CACNB3: variants seen among roughly 807,000 people sequenced by gnomAD.
CACNB3 encodes calcium voltage-gated channel auxiliary subunit beta 3, also known as voltage-dependent L-type calcium channel subunit beta-3.
Under a neutral mutation model 63.7 loss-of-function variants are expected in CACNB3, and 36 were observed. The observed-to-expected ratio is 0.57, with a 90% confidence interval of 0.43 to 0.75. CACNB3 has a LOEUF of 0.75. Among genes scored for constraint, CACNB3 ranks in the 30% least tolerant of loss-of-function variants. The pLI is 0.00. For synonymous variants in CACNB3, 241 were observed against 250.6 expected, an observed-to-expected ratio of 0.96 and a Z score of 0.36; for missense variants, 493 against 648.6, an observed-to-expected ratio of 0.76 and a Z score of 2.61.
Position 48,824,650 on chromosome 12 carries a change from C to T in CACNB3, c.408-19C>T. 4 of 1,609,016 alleles carry T rather than the reference C, an allele frequency of 2.5e-6. No homozygotes were observed. The highest frequency in any genetic ancestry group is 3.4e-6 in the Non-Finnish European group (4 of 1,175,698). ...GACACATTCTTCTCTCTCTCTCTTT[C>T]ACCTCCCTTTCTTCTCAGGAGATCT... On this transcript the variant is annotated intron_variant, in intron 4 of 12. Coordinates refer to ENST00000301050, the MANE Select transcript of CACNB3 (RefSeq NM_000725.4).
chr12:48,827,142 CAG>C lies in CACNB3; in HGVS notation c.1140+23_1140+24del, dbSNP rs1209684592. On this transcript the variant is annotated intron_variant, in intron 12 of 12. Coordinates refer to ENST00000301050, the MANE Select transcript of CACNB3 (RefSeq NM_000725.4). ...ACTTCAGGTAACCATTTCCAGTGGGCAGAGATGCTCAAGCTAAGCCAGCCAAG... is the reference window on the plus strand; with the variant it reads ...ACTTCAGGTAACCATTTCCAGTGGGCAGATGCTCAAGCTAAGCCAGCCAAG... 4 of 1,610,684 alleles carry C rather than the reference CAG, an allele frequency of 2.5e-6. No individual in the cohort carries two copies. The East Asian group carries it at 8.9e-5, about 36-fold the overall frequency.
At position 48,827,944 on chromosome 12, in the gene CACNB3, T is replaced by C. The variant is rs1938242544; in HGVS notation, c.*45T>C. 6.5e-7 allele frequency: 1 copy of C among 1,536,786 alleles called. No homozygotes were observed. Among genetic ancestry groups the C allele is most frequent in the Admixed American group, 1.8e-5 (1 of 56,762 alleles). ...CCTGGCAGGCACAGGCGCAGCTGGCTGGGGGGCCCACTCCAGGCAGGGTGG... is the reference window on the plus strand; with the variant it reads ...CCTGGCAGGCACAGGCGCAGCTGGCCGGGGGGCCCACTCCAGGCAGGGTGG... On this transcript the variant is annotated 3_prime_UTR_variant, in exon 13 of 13. Coordinates refer to ENST00000301050, the MANE Select transcript of CACNB3 (RefSeq NM_000725.4).
upstream of CACNB3, chr12:48,818,488 C>T: frequency 1.0e-6 from 1 of 998,196 alleles, no homozygotes; most frequent in Non-Finnish European, 1.2e-6. The surrounding 1 kb of genome is among the most constrained non-coding windows in gnomAD (Gnocchi z 4.3). Context: ...CTGCCCGCAG[C>T]CTCTCCTCCC....
chr12:48,827,078 T>C lies in CACNB3; in HGVS notation c.1095T>C (p.Pro365=), dbSNP rs1029400082. The C allele has an allele frequency of 1.2e-6, 2 of 1,613,056 alleles. No individual in the cohort carries two copies. The highest frequency in any genetic ancestry group is 1.7e-6 in the Non-Finnish European group (2 of 1,180,004). The change falls in exon 12 of 13, where the codon CCT becomes CCC. Residue 365 remains proline, a synonymous_variant. Coordinates refer to ENST00000301050, the MANE Select transcript of CACNB3 (RefSeq NM_000725.4). ...GGCGGGCCACGCACCACCCAGCCCC[T>C]GGCCCCGGACTTCTGGGTCCTCCCA... ...VYWRATHHPA[P]GPGLLGPPSA...
intron 1 of CACNB3, chr12:48,821,392 C>G (rs1460469423): frequency 1.3e-5 from 2 of 152,010 alleles, no homozygotes; most frequent in Non-Finnish European, 2.9e-5. Context: ...ACAGGAGGAT[C>G]GCTTGAGCCC....
chr12:48,824,637 T>C, intron 4 of CACNB3, 32 bp from the exon 5 acceptor site: 3 of 1,585,900 alleles, frequency 1.9e-6, no homozygotes, highest in Non-Finnish European at 2.6e-6. Context: ...CACATTCTTC[T>C]CTCTCTCTCT....
Position 48,825,325 on chromosome 12 carries a change from G to C in CACNB3, c.573+82G>C. 1 of 1,560,506 alleles carries C rather than the reference G, an allele frequency of 6.4e-7. No individual in the cohort carries two copies. The highest frequency in any genetic ancestry group is 8.8e-7 in the Non-Finnish European group (1 of 1,132,448). Reference sequence around the variant, plus strand: ...TCCCTAGGGAAAGTGGAAGGGGTGTGTCTCCTCCGTCCAGGGTGTGTATGT... The same window carrying C: ...TCCCTAGGGAAAGTGGAAGGGGTGTCTCTCCTCCGTCCAGGGTGTGTATGT... On this transcript the variant is annotated intron_variant, in intron 7 of 12. Coordinates refer to ENST00000301050, the MANE Select transcript of CACNB3 (RefSeq NM_000725.4). The surrounding 1 kb of genome is among the most constrained non-coding windows in gnomAD (Gnocchi z 4.5).
At position 48,823,269 on chromosome 12, in the gene CACNB3, T is replaced by C; in HGVS notation, c.46-75T>C. The C allele has an allele frequency of 6.4e-7, 1 of 1,564,588 alleles. No individual in the cohort carries two copies. Among genetic ancestry groups the C allele is most frequent in the Non-Finnish European group, 8.7e-7 (1 of 1,152,076 alleles). On this transcript the variant is annotated intron_variant, in intron 1 of 12. Transcript: ENST00000301050. This position sits in a 1 kb window ranked among gnomAD's most constrained non-coding sequence, Gnocchi z 4.2. The stretch of plus-strand genomic sequence containing the variant: ...AAACTGGGGGCAATAGAGGCAACAC[T>C]GTAAGGTGAGGAGGGTGCCTCCATG...
chr12:48,824,918 A>G, intron 5 of CACNB3, 31 bp from the exon 6 acceptor site: 2 of 1,613,256 alleles, frequency 1.2e-6, no homozygotes, highest in South Asian at 1.1e-5. Context: ...CCCTTCACCA[A>G]CTTTAATCTT....
chr12:48,816,254 C>T (rs1381556560), upstream of CACNB3, among the ~76,000 whole-genome samples: 4 of 152,132 alleles, frequency 2.6e-5, no homozygotes, highest in Non-Finnish European at 4.4e-5. Flanking sequence ...CAATATATTC[C>T]AGCTCCCAAA....
upstream of CACNB3, chr12:48,818,442 TCTC>T (rs1942345982): frequency 1.0e-6 from 1 of 987,580 alleles, no homozygotes; most frequent in African/African-American, 1.8e-5. This position sits in a 1 kb window ranked among gnomAD's most constrained non-coding sequence, Gnocchi z 4.3. Context: ...TCTCCGCATC[TCTC>T]CTCGCCCCGC....
upstream of CACNB3, chr12:48,817,059 A>C (rs1391493079): frequency 1.1e-6 from 1 of 947,974 alleles, no homozygotes; most frequent in African/African-American, 1.8e-5. Context: ...GTATATGACC[A>C]AACCCCAGTT....
Position 48,823,576 on chromosome 12 carries a change from G to C in CACNB3, c.169-105G>C. ...GCAGGATGTCCTTGAGTGTGAGAGG[G>C]TGTGTGTGATGGGCAGAGGCCACGG... On this transcript the variant is annotated intron_variant, in intron 2 of 12. Transcript: ENST00000301050. This position sits in a 1 kb window ranked among gnomAD's most constrained non-coding sequence, Gnocchi z 4.2. 6.3e-7 allele frequency: 1 copy of C among 1,599,492 alleles called. No homozygotes were observed. Among genetic ancestry groups the C allele is most frequent in the Admixed American group, 1.7e-5 (1 of 59,186 alleles).
rs1937954902 is a variant in CACNB3, at chr12:48,823,359, T to C, written c.61T>C (p.Tyr21His). 1 of 1,613,984 alleles carries C rather than the reference T, an allele frequency of 6.2e-7. No homozygotes were observed. ...EDSEAGSADS[Y>H]TSRPSLDSDV... ...CCCAACCCAGGGTTCAGCCGACTCC[T>C]ACACCAGCCGCCCATCTCTGGACTC... Residue 21 changes from tyrosine (Y) to histidine (H), a missense_variant, in exon 2 of 13, where the codon TAC (tyrosine) becomes CAC (histidine). Physicochemically the swap from Tyr to His is moderately conservative, Grantham distance 83. Transcript: ENST00000301050. The surrounding 1 kb of genome is among the most constrained non-coding windows in gnomAD (Gnocchi z 4.2).
Position 48,826,208 on chromosome 12 carries a change from C to T in CACNB3, c.743-159C>T. ...TGCCCCCAGGATTGGCAAGAACACA[C>T]CCCTCCTCCTCAATTCCCATTCCTC... is the stretch of plus-strand genomic sequence containing the variant. On this transcript the variant is annotated intron_variant, in intron 9 of 12. Coordinates refer to ENST00000301050, the MANE Select transcript of CACNB3 (RefSeq NM_000725.4). The surrounding 1 kb of genome is among the most constrained non-coding windows in gnomAD (Gnocchi z 4.8). The T allele has an allele frequency of 1.5e-6, 1 of 684,016 alleles. No individual in the cohort carries two copies. Among genetic ancestry groups the T allele is most frequent in the African/African-American group, 1.8e-5 (1 of 55,930 alleles). 42.4% of individuals were successfully genotyped at this position (684,016 alleles called of 1,614,324 possible).
chr12:48,817,390 T>G (rs1382535779), upstream of CACNB3: 1 of 152,210 alleles, frequency 6.6e-6, no homozygotes. Context: ...ATGAGCAGAT[T>G]GCTGAACTCC....
Position 48,823,912 on chromosome 12 carries a change from G to C in CACNB3, c.291+109G>C, listed in dbSNP as rs1202581173. ...TCAGTCTAATTCCCCAAGCTAATCA[G>C]CTCTTCTCCTTAACACACACCTGTC... On this transcript the variant is annotated intron_variant, in intron 3 of 12. Coordinates refer to ENST00000301050, the MANE Select transcript of CACNB3 (RefSeq NM_000725.4). The surrounding 1 kb of genome is among the most constrained non-coding windows in gnomAD (Gnocchi z 4.2). 1 of 1,419,574 alleles carries C rather than the reference G, an allele frequency of 7.0e-7. No individual in the cohort carries two copies. Among genetic ancestry groups the C allele is most frequent in the African/African-American group, 1.4e-5 (1 of 70,622 alleles). 87.9% of individuals were successfully genotyped at this position (1,419,574 alleles called of 1,614,324 possible).
intron 1 of CACNB3, among the ~76,000 whole-genome samples, chr12:48,822,519 A>G (rs1228465846): frequency 1.3e-5 from 2 of 152,126 alleles, no homozygotes; most frequent in African/African-American, 2.4e-5. Flanking sequence ...GCCTTCTTCT[A>G]GGGCTGATGT....
At position 48,826,150 on chromosome 12, in the gene CACNB3, T is replaced by A. The variant is rs1487787509; in HGVS notation, c.743-217T>A. ...GGCCCCTCTTCCCTTTTCTCTTCCT[T>A]ACCTCCTTGTCTTTCTGCCCAACTC... On this transcript the variant is annotated intron_variant, in intron 9 of 12. Coordinates refer to ENST00000301050, the MANE Select transcript of CACNB3 (RefSeq NM_000725.4). This position sits in a 1 kb window ranked among gnomAD's most constrained non-coding sequence, Gnocchi z 4.8. The A allele has an allele frequency of 1.7e-6, 1 of 591,058 alleles. No individual in the cohort carries two copies. Among genetic ancestry groups the A allele is most frequent in the Non-Finnish European group, 3.0e-6 (1 of 332,500 alleles). The allele number at this position is 591,058 out of a possible 1,614,324, so 36.6% of individuals were successfully genotyped here.
Sources: gnomAD v4.1 joint callset for allele counts (sites outside exome capture counted in the v4.1 genomes callset) on GRCh38, gnomAD v4.1.1 for gene constraint, Gnocchi (gnomAD v3.1) non-coding constraint, MANE v1.5 for transcripts, NCBI Gene and HGNC (gene_info 2026-07-23, HGNC 2026-07-21) for gene names.